The following HCRTR2 variants were observed in gnomAD, a reference collection of about 807,000 sequenced individuals.
HCRTR2 encodes the protein hypocretin receptor 2.
HCRTR2 carries 22 observed loss-of-function variants against 49.0 expected under a neutral mutation model. The observed-to-expected ratio is 0.45, with a 90% confidence interval of 0.32 to 0.64. HCRTR2 has a LOEUF of 0.64. HCRTR2 is among the 30% of genes least tolerant of loss of function. HCRTR2 has a pLI of 0.04. For missense variants in HCRTR2, 491 were observed against 559.4 expected (o/e 0.88, Z 1.23); for synonymous variants, 236 against 205.3 (o/e 1.15, Z -1.28).
intron 1 of HCRTR2, among the ~76,000 whole-genome samples, chr6:55,144,627 C>G (rs1394269509): frequency 3.3e-5 from 5 of 152,134 alleles, no homozygotes; most frequent in African/African-American, 9.7e-5. Context: ...AAGTAGAGCG[C>G]ACGTTGGATC....
chr6:55,121,044 G>T (rs992877719), intron 1 of HCRTR2, among the ~76,000 whole-genome samples: 1 of 152,044 alleles, frequency 6.6e-6, no homozygotes, highest in Non-Finnish European at 1.5e-5. Context: ...GGATGGCATT[G>T]AATCTATAAA....
chr6:55,192,401 ACGCG>A (rs200967732), intron 1 of HCRTR2, among the ~76,000 whole-genome samples: 21 of 141,688 alleles, frequency 1.5e-4, no homozygotes, highest in African/African-American at 4.5e-4. Flanking sequence ...ACACACACAC[ACGCG>A]CGCGCGCGCA....
intron 1 of HCRTR2, among the ~76,000 whole-genome samples, chr6:55,233,288 A>G (rs894277595): frequency 3.3e-5 from 5 of 152,018 alleles, no homozygotes; most frequent in Non-Finnish European, 7.4e-5. Flanking sequence ...ATGGGGTTTT[A>G]CCATGTTGGC....
chr6:55,142,259 C>G (rs915771136), intron 1 of HCRTR2, among the ~76,000 whole-genome samples: 1 of 151,712 alleles, frequency 6.6e-6, no homozygotes, highest in African/African-American at 2.4e-5. Flanking sequence ...TGCAGTGGCA[C>G]GATCTCGGCT....
intron 1 of HCRTR2, among the ~76,000 whole-genome samples, chr6:55,192,438 C>CACACACAA (rs1474213666): frequency 6.6e-6 from 1 of 151,282 alleles, no homozygotes; most frequent in Non-Finnish European, 1.5e-5. Context: ...CACACACACA[C>CACACACAA]AAATTAGCTG....
chr6:55,132,404 A>C (rs1764370293), intron 1 of HCRTR2, among the ~76,000 whole-genome samples: 1 of 151,912 alleles, frequency 6.6e-6, no homozygotes, highest in Non-Finnish European at 1.5e-5. Context: ...GCAAAGTGGA[A>C]AAGAATGTAG....
chr6:55,208,322 AAAAAT>A (rs1765638662), intron 1 of HCRTR2, among the ~76,000 whole-genome samples: 1 of 146,408 alleles, frequency 6.8e-6, no homozygotes, highest in African/African-American at 2.6e-5. Context: ...CGAAAAATAA[AAAAAT>A]AAAAAAAAAA....
chr6:55,112,344 A>C (rs1477017378), intron 1 of HCRTR2, among the ~76,000 whole-genome samples: 6 of 151,898 alleles, frequency 4.0e-5, no homozygotes, highest in Non-Finnish European at 8.8e-5. Flanking sequence ...GGCAAAGAGG[A>C]AATCAAAATT....
At chr6:55,180,214 T>A (rs549128231) in intron 1 of HCRTR2, among the ~76,000 whole-genome samples, 30 of 152,368 alleles carry the variant, frequency 2.0e-4, no homozygotes, top group African/African-American at 7.0e-4. Flanking sequence ...AGAGCAATGC[T>A]AACTTACTCA....
upstream of HCRTR2, among the ~76,000 whole-genome samples, chr6:55,171,122 G>A (rs1764943991): frequency 6.6e-6 from 1 of 152,014 alleles, no homozygotes; most frequent in South Asian, 2.1e-4. Context: ...GGGTCAAATG[G>A]TATTTCTAGT....
intron 1 of HCRTR2, among the ~76,000 whole-genome samples, chr6:55,223,016 C>T (rs995030216): frequency 4.6e-5 from 7 of 152,052 alleles, no homozygotes; most frequent in Non-Finnish European, 8.8e-5. Flanking sequence ...AATTAAAAAA[C>T]GAGAAACAGT....
At chr6:55,178,791 T>C (rs1765083484) in intron 1 of HCRTR2, among the ~76,000 whole-genome samples, 1 of 152,258 alleles carries the variant, frequency 6.6e-6, no homozygotes, top group African/African-American at 2.4e-5. Context: ...CATTGCCTTC[T>C]TGCCTTTAAA....
intron 1 of HCRTR2, among the ~76,000 whole-genome samples, chr6:55,231,216 TATA>T (rs1340165052): frequency 2.0e-5 from 3 of 152,150 alleles, no homozygotes; most frequent in Non-Finnish European, 4.4e-5. Context: ...CACTTATATT[TATA>T]ATAATAGACA....
chr6:55,168,914 T>A (rs1024652288), intron 1 of HCRTR2, among the ~76,000 whole-genome samples: 1 of 152,070 alleles, frequency 6.6e-6, no homozygotes, highest in African/African-American at 2.4e-5. Context: ...ACATTACTTG[T>A]CTCACAAAAA....
chr6:55,233,667 C>A (rs994943394), intron 1 of HCRTR2, among the ~76,000 whole-genome samples: 1 of 151,956 alleles, frequency 6.6e-6, no homozygotes, highest in Non-Finnish European at 1.5e-5. Context: ...TGCACTCTAG[C>A]CTGGGCAAAA....
At chr6:55,217,200 A>C (rs1765803756) in intron 1 of HCRTR2, among the ~76,000 whole-genome samples, 1 of 152,122 alleles carries the variant, frequency 6.6e-6, no homozygotes, top group Non-Finnish European at 1.5e-5. Flanking sequence ...GCTTTTCATG[A>C]GAGGGGGCAG....
At chr6:55,149,084 CA>C (rs1380633532) in intron 1 of HCRTR2, among the ~76,000 whole-genome samples, 4 of 151,922 alleles carry the variant, frequency 2.6e-5, no homozygotes, top group Non-Finnish European at 5.9e-5. Flanking sequence ...TGAACATAGC[CA>C]GAGAACCTTA....
chr6:55,190,400 G>A (rs4712099), intron 1 of HCRTR2, among the ~76,000 whole-genome samples: 22,108 of 152,108 alleles, frequency 0.15, 1,890 homozygotes, highest in East Asian at 0.28. Flanking sequence ...GGGCCGTAGA[G>A]GAGGAGTGTG....
At chr6:55,229,696 A>C (rs1766078152) in intron 1 of HCRTR2, among the ~76,000 whole-genome samples, 1 of 152,206 alleles carries the variant, frequency 6.6e-6, no homozygotes, top group Non-Finnish European at 1.5e-5. Context: ...AAACTCATGG[A>C]AACAGAGACT....
Sources: gnomAD v4.1 joint callset for allele counts (sites outside exome capture counted in the v4.1 genomes callset) on GRCh38, gnomAD v4.1.1 for gene constraint, MANE v1.5 for transcripts, NCBI Gene and HGNC (gene_info 2026-07-23, HGNC 2026-07-21) for gene names.